The following COL6A6 variants were observed in gnomAD, a reference collection of about 807,000 sequenced individuals.
The protein encoded by COL6A6 is collagen type VI alpha 6 chain, also known as collagen alpha-6(VI) chain.
In COL6A6, 183 loss-of-function variants were observed where a neutral mutation model predicts 208.6. That is an observed-to-expected ratio of 0.88 (90% CI 0.78 to 0.99). The LOEUF is 0.99. Among genes scored for constraint, COL6A6 ranks in the 50% least tolerant of loss-of-function variants. The pLI, the probability that COL6A6 is intolerant of heterozygous loss-of-function variation, is 0.00. For synonymous variants in COL6A6, 973 were observed against 1,011.8 expected (o/e 0.96, Z 0.73); for missense variants, 2,816 against 2,815.2 (o/e 1.00, Z -0.01).
In COL6A6 at chr3:130,581,897, G is replaced by A. The variant is rs770183659; in HGVS notation, c.3884G>A (p.Arg1295Gln). The change falls in exon 9 of 37, where the codon CGA (arginine) becomes CAA (glutamine). Residue 1295 changes from arginine to glutamine, a missense_variant. By Grantham distance (43) the Arg-to-Gln change is conservative (BLOSUM62 1). Coordinates refer to ENST00000358511, the MANE Select transcript of COL6A6 (RefSeq NM_001102608.3). The stretch of plus-strand genomic sequence containing the variant: ...ACATTTCAGAATAAATCAGCTGCTC[G>A]AGGAAAGGTAACATGGATTTATCTT... Reference protein sequence around the residue: ...WDTFQNKSAARGKVVLLFSDG... With the variant: ...WDTFQNKSAAQGKVVLLFSDG... The A allele has an allele frequency of 2.2e-5, 36 of 1,603,828 alleles. No homozygotes were observed. In the East Asian group the frequency reaches 2.7e-4, roughly 12 times the overall value.
rs772173462 is a variant in COL6A6 at position 130,626,467 on chromosome 3, A to G, written c.4879-18A>G. ...CATTTCCAATTTCCAACCTAAAAAC[A>G]ATCTTTCTGTTTAACAGGGAGAACC... On this transcript the variant is annotated intron_variant, in intron 24 of 36. Transcript: ENST00000358511. The G allele has an allele frequency of 1.9e-6, 3 of 1,599,072 alleles. No individual in the cohort carries two copies. The highest frequency in any genetic ancestry group is 1.7e-6 in the Non-Finnish European group (2 of 1,166,208).
intron 35 of COL6A6, among the ~76,000 whole-genome samples, chr3:130,663,528 A>C (rs76444492): frequency 0.019 from 2,956 of 152,298 alleles, 96 homozygotes; most frequent in African/African-American, 0.067. Flanking sequence ...GCCATTCTGA[A>C]GAAAGGAATC....
At chr3:130,589,941 GT>G in intron 12 of COL6A6, 1 of 444,246 alleles carries the variant, frequency 2.3e-6, no homozygotes, top group Non-Finnish European at 4.5e-6. Flanking sequence ...GTCTCTGAAA[GT>G]TTTTGGACTA....
intron 36 of COL6A6, among the ~76,000 whole-genome samples, chr3:130,671,495 G>A (rs1238029083): frequency 6.6e-6 from 1 of 152,180 alleles, no homozygotes; most frequent in Non-Finnish European, 1.5e-5. Context: ...CCATACCACT[G>A]TCTGTGCATT....
intron 1 of COL6A6, among the ~76,000 whole-genome samples, chr3:130,518,184 G>A (rs13097496): frequency 6.6e-6 from 1 of 152,084 alleles, no homozygotes; most frequent in Admixed American, 6.5e-5. Context: ...CCAGTGGATG[G>A]GTGTGGGGGT....
At chr3:130,519,748 C>T (rs1710956287) in intron 1 of COL6A6, among the ~76,000 whole-genome samples, 1 of 152,120 alleles carries the variant, frequency 6.6e-6, no homozygotes, top group African/African-American at 2.4e-5. Context: ...TCGTAAAATG[C>T]CAAGCACAAG....
intron 23 of COL6A6, among the ~76,000 whole-genome samples, chr3:130,620,144 T>C (rs1434007974): frequency 6.6e-5 from 10 of 152,090 alleles, no homozygotes; most frequent in Non-Finnish European, 1.2e-4. Flanking sequence ...AGAGGCTTGC[T>C]GTGTTACTCA....
At chr3:130,612,728 G>T (rs1193463993) in intron 23 of COL6A6, among the ~76,000 whole-genome samples, 3 of 152,124 alleles carry the variant, frequency 2.0e-5, no homozygotes, top group African/African-American at 7.2e-5. Flanking sequence ...GTACATGAGG[G>T]TGAGAGGTGG....
In COL6A6 at chr3:130,589,202, A is replaced by G. The variant is rs527333358; in HGVS notation, c.4218+20A>G. The G allele has an allele frequency of 6.3e-7, 1 of 1,575,736 alleles. No homozygotes were observed. Among genetic ancestry groups the G allele is most frequent in the Non-Finnish European group, 8.7e-7 (1 of 1,145,356 alleles). On this transcript the variant is annotated intron_variant, in intron 12 of 36. Transcript: ENST00000358511. ...AAAAGGGTGATTTTAGCTCAGATTTATGGGTTACTTTGAGTTGTAGTATGT... is the reference window on the plus strand; with the variant it reads ...AAAAGGGTGATTTTAGCTCAGATTTGTGGGTTACTTTGAGTTGTAGTATGT...
At chr3:130,551,536 A>G (rs2062640545) in intron 1 of COL6A6, among the ~76,000 whole-genome samples, 1 of 149,872 alleles carries the variant, frequency 6.7e-6, no homozygotes, top group Non-Finnish European at 1.5e-5. Context: ...AGTTGTGTTT[A>G]TTTGGATCTT....
At chr3:130,574,898 T>G (rs1378481054) in intron 8 of COL6A6, among the ~76,000 whole-genome samples, 1 of 152,172 alleles carries the variant, frequency 6.6e-6, no homozygotes, top group Non-Finnish European at 1.5e-5. Flanking sequence ...ATACGGCCTA[T>G]AGGGCTGCCA....
intron 1 of COL6A6, among the ~76,000 whole-genome samples, chr3:130,543,617 A>G (rs2107762833): frequency 6.6e-6 from 1 of 152,330 alleles, no homozygotes; most frequent in East Asian, 1.9e-4. Context: ...GAGTAAGGCA[A>G]GTAAGATATA....
In COL6A6 at chr3:130,533,562, C is replaced by CT. The variant is rs142547241; in HGVS notation, c.-32+16170dup. The stretch of plus-strand genomic sequence containing the variant: ...TAACATCTTTCAATGTTTGTTCAGA[C>CT]TTTTTAAAAAAATAAAATATTACAG... On this transcript the variant is annotated intron_variant, in intron 1 of 36. Coordinates refer to ENST00000358511, the MANE Select transcript of COL6A6 (RefSeq NM_001102608.3). 3.7e-3 allele frequency among the ~76,000 whole-genome samples: 561 copies of CT among 152,186 alleles called. 5 individuals carry two copies. Among genetic ancestry groups the CT allele is most frequent in the African/African-American group, 0.013 (533 of 41,470 alleles).
rs1470225276 is a variant in COL6A6, at chr3:130,658,739, T to C, written c.5797T>C (p.Leu1933=). 6.2e-7 allele frequency: 1 copy of C among 1,612,908 alleles called. No individual in the cohort carries two copies. Among genetic ancestry groups the C allele is most frequent in the African/African-American group, 1.3e-5 (1 of 74,920 alleles). Residue 1933 remains leucine, a synonymous_variant, in exon 34 of 37, where the codon TTA becomes CTA. Coordinates refer to ENST00000358511, the MANE Select transcript of COL6A6 (RefSeq NM_001102608.3). ...VPSGADYIPA[L]ERLQRCTFCY... is the part of the protein sequence containing the mutation. ...CTCCGGGGCCGACTACATACCAGCA[T>C]TAGAGAGACTCCAGCGGTGCACTTT...
chr3:130,576,092 C>G (rs918976219), intron 8 of COL6A6, among the ~76,000 whole-genome samples: 1 of 152,186 alleles, frequency 6.6e-6, no homozygotes, highest in African/African-American at 2.4e-5. Context: ...GCTCCATGGT[C>G]AACAATAACA....
At chr3:130,621,658 C>T (rs2108270505) in intron 23 of COL6A6, among the ~76,000 whole-genome samples, 163 bp from the exon 24 acceptor site, 1 of 152,266 alleles carries the variant, frequency 6.6e-6, no homozygotes, top group African/African-American at 2.4e-5. Flanking sequence ...CTTTTATTTA[C>T]CAGTCTTTAT....
At chr3:130,591,277 A>G (rs1174922023) in intron 13 of COL6A6, among the ~76,000 whole-genome samples, 183 bp downstream of exon 13, 5 of 152,098 alleles carry the variant, frequency 3.3e-5, no homozygotes, top group African/African-American at 4.8e-5. Flanking sequence ...TTATTGACCT[A>G]TTGTCTCTTC....
At chr3:130,641,022 A>G (rs1576379461) in intron 28 of COL6A6, among the ~76,000 whole-genome samples, 1 of 152,244 alleles carries the variant, frequency 6.6e-6, no homozygotes, top group Non-Finnish European at 1.5e-5. Flanking sequence ...ATCACCTAAT[A>G]GTGAAATCAA....
intron 1 of COL6A6, among the ~76,000 whole-genome samples, chr3:130,528,697 A>G (rs1026311143): frequency 2.0e-5 from 3 of 152,172 alleles, no homozygotes; most frequent in Non-Finnish European, 2.9e-5. Context: ...ATGCACATCA[A>G]AGTCACCTGG....
Sources: gnomAD v4.1 joint callset for allele counts (sites outside exome capture counted in the v4.1 genomes callset) on GRCh38, gnomAD v4.1.1 for gene constraint, MANE v1.5 for transcripts, NCBI Gene and HGNC (gene_info 2026-07-23, HGNC 2026-07-21) for gene names.